VWA8: variants seen among roughly 807,000 people sequenced by gnomAD.
The protein encoded by VWA8 is von Willebrand factor A domain containing 8.
In VWA8, 221 loss-of-function variants were observed where a neutral mutation model predicts 241.5. The observed-to-expected ratio is 0.91, with a 90% CI of 0.82 to 1.02. The LOEUF is 1.02. VWA8 is among the 50% of genes least tolerant of loss of function. The pLI is 0.00. For synonymous variants in VWA8, 852 were observed against 827.1 expected (o/e 1.03, Z -0.52); for missense variants, 2,322 against 2,328.7 (o/e 1.00, Z 0.06).
intron 10 of VWA8, 147 bp downstream of exon 10, chr13:41,868,197 CAT>C: frequency 1.2e-6 from 1 of 823,664 alleles, no homozygotes; most frequent in Non-Finnish European, 1.8e-6. Context: ...TATAAGCACA[CAT>C]GACTCTGGAG....
chr13:41,656,501 G>A (rs145926667), intron 37 of VWA8, among the ~76,000 whole-genome samples: 1 of 152,274 alleles, frequency 6.6e-6, no homozygotes, highest in East Asian at 1.9e-4. Context: ...AAGACTTGAC[G>A]AATTTCATTC....
intron 43 of VWA8, among the ~76,000 whole-genome samples, chr13:41,574,543 A>ATTAT (rs776556347): frequency 1.9e-4 from 29 of 152,210 alleles, no homozygotes; most frequent in Non-Finnish European, 3.5e-4. Flanking sequence ...AAATACCATC[A>ATTAT]TTATTTTTCA....
chr13:41,835,949 C>T (rs1871704460), intron 12 of VWA8, among the ~76,000 whole-genome samples: 1 of 152,108 alleles, frequency 6.6e-6, no homozygotes, highest in South Asian at 2.1e-4. Context: ...ATTAAAGATA[C>T]ATTATCAGAA....
intron 12 of VWA8, among the ~76,000 whole-genome samples, chr13:41,843,456 C>T (rs1872146406): frequency 6.6e-6 from 1 of 152,020 alleles, no homozygotes; most frequent in African/African-American, 2.4e-5. Flanking sequence ...CAAGAATAAC[C>T]TAACTCCAAA....
intron 16 of VWA8, among the ~76,000 whole-genome samples, chr13:41,811,797 T>C (rs79843465): frequency 0.15 from 23,379 of 152,074 alleles, 1,900 homozygotes; most frequent in Non-Finnish European, 0.19. Context: ...GCCACAGAGG[T>C]GTCAACCAAT....
intron 9 of VWA8, among the ~76,000 whole-genome samples, chr13:41,881,370 G>C (rs865917234): frequency 1.3e-4 from 3 of 23,814 alleles, no homozygotes; most frequent in African/African-American, 4.2e-4. Flanking sequence ...GTTTTTTTTT[G>C]CCGGGGGGGG....
At chr13:41,885,817 G>A in intron 8 of VWA8, 103 bp downstream of exon 8, 4 of 760,110 alleles carry the variant, frequency 5.3e-6, no homozygotes, top group Non-Finnish European at 8.4e-6. Flanking sequence ...AATATTTATA[G>A]AAGAGTATGA....
intron 13 of VWA8, among the ~76,000 whole-genome samples, 178 bp from the exon 14 acceptor site, chr13:41,830,820 T>C (rs1274784116): frequency 1.3e-5 from 2 of 152,142 alleles, no homozygotes; most frequent in Non-Finnish European, 2.9e-5. Context: ...CGCAAAACTG[T>C]TGGTTTCTGT....
intron 17 of VWA8, 85 bp downstream of exon 17, chr13:41,811,140 G>A: frequency 8.7e-7 from 1 of 1,149,506 alleles, no homozygotes; most frequent in Non-Finnish European, 1.3e-6. Flanking sequence ...TTGAAGAATT[G>A]GGAATATGCA....
chr13:41,824,414 G>C (rs1260539648), intron 14 of VWA8, among the ~76,000 whole-genome samples: 1 of 152,204 alleles, frequency 6.6e-6, no homozygotes, highest in Non-Finnish European at 1.5e-5. Flanking sequence ...GGTAACTTAA[G>C]AGGAATAGCA....
chr13:41,569,751 A>T (rs2044287777), intron 44 of VWA8, among the ~76,000 whole-genome samples: 1 of 152,030 alleles, frequency 6.6e-6, no homozygotes, highest in African/African-American at 2.4e-5. Flanking sequence ...ATTCAAAAAG[A>T]TAAATGTTAT....
intron 22 of VWA8, among the ~76,000 whole-genome samples, chr13:41,731,302 G>A (rs971852109): frequency 9.9e-5 from 15 of 152,128 alleles, no homozygotes; most frequent in Admixed American, 4.6e-4. Flanking sequence ...ATTTCTTTAG[G>A]TCTTGTGTAG....
chr13:41,735,241 T>C (rs2045516148), intron 21 of VWA8, among the ~76,000 whole-genome samples: 1 of 152,210 alleles, frequency 6.6e-6, no homozygotes, highest in African/African-American at 2.4e-5. Flanking sequence ...AAAAAGGAAC[T>C]CTTCCATCAT....
intron 26 of VWA8, among the ~76,000 whole-genome samples, chr13:41,708,006 A>C (rs2045293105): frequency 6.6e-6 from 1 of 152,212 alleles, no homozygotes; most frequent in Non-Finnish European, 1.5e-5. Flanking sequence ...TAAAGACCTG[A>C]GAGAGAAAAA....
At chr13:41,624,799 G>A (rs773331076) in intron 37 of VWA8, among the ~76,000 whole-genome samples, 15 of 151,912 alleles carry the variant, frequency 9.9e-5, no homozygotes, top group African/African-American at 1.5e-4. Flanking sequence ...CCCATTCCAC[G>A]CGGCACTGGA....
At chr13:41,669,193 AG>A (rs1392530932) in intron 37 of VWA8, among the ~76,000 whole-genome samples, 1 of 152,230 alleles carries the variant, frequency 6.6e-6, no homozygotes, top group Non-Finnish European at 1.5e-5. Context: ...TGTTTGGTTT[AG>A]GGAAAGTTCA....
At chr13:41,764,250 C>T (rs1215226334) in intron 20 of VWA8, among the ~76,000 whole-genome samples, 1 of 152,150 alleles carries the variant, frequency 6.6e-6, no homozygotes, top group Admixed American at 6.6e-5. Flanking sequence ...GCAGTCCCTA[C>T]CTGCAAAACT....
At chr13:41,716,702 G>A (rs928802391) in intron 26 of VWA8, among the ~76,000 whole-genome samples, 2 of 151,976 alleles carry the variant, frequency 1.3e-5, no homozygotes. Flanking sequence ...TAAGCACTGC[G>A]GTTGGATTAG....
chr13:41,689,152 C>T (rs867896003), intron 34 of VWA8, among the ~76,000 whole-genome samples: 41 of 152,032 alleles, frequency 2.7e-4, no homozygotes, highest in Non-Finnish European at 2.5e-4. Flanking sequence ...CATTGCATTA[C>T]GCTTTCAATG....
Sources: allele counts gnomAD v4.1 joint callset (sites outside exome capture counted in the v4.1 genomes callset), GRCh38; gene constraint gnomAD v4.1.1; transcripts MANE v1.5; gene names NCBI Gene and HGNC (gene_info 2026-07-23, HGNC 2026-07-21).